Variants in EXOC6B observed in about 807,000 individuals in gnomAD.
The protein encoded by EXOC6B is exocyst complex component 6B, also known as SEC15 homolog B.
In EXOC6B, 54 loss-of-function variants were observed where a neutral mutation model predicts 113.5. The ratio of observed to expected loss-of-function variants is 0.48; its 90% confidence interval spans 0.38 to 0.60. The LOEUF (loss-of-function observed/expected upper bound fraction) is 0.60. Ranked by LOEUF, EXOC6B falls within the 20% of genes least tolerant of loss-of-function variation. EXOC6B has a pLI of 0.00. For synonymous variants in EXOC6B, 357 were observed against 339.0 expected, an observed-to-expected ratio of 1.05 and a Z score of -0.58; for missense variants, 797 against 977.5, an observed-to-expected ratio of 0.82 and a Z score of 2.46.
intron 20 of EXOC6B, among the ~76,000 whole-genome samples, chr2:72,316,168 C>T (rs190726184): frequency 3.4e-4 from 52 of 152,148 alleles, no homozygotes; most frequent in African/African-American, 1.2e-3. Flanking sequence ...AAAATGGCTG[C>T]CATAGGAATA....
intron 6 of EXOC6B, among the ~76,000 whole-genome samples, chr2:72,623,006 G>C (rs1367399233): frequency 2.0e-5 from 3 of 152,114 alleles, no homozygotes; most frequent in Non-Finnish European, 4.4e-5. Flanking sequence ...GAACTGGAAG[G>C]GGGCAAGAGA....
chr2:72,654,146 G>C (rs1166957067), intron 6 of EXOC6B, among the ~76,000 whole-genome samples: 1 of 151,718 alleles, frequency 6.6e-6, no homozygotes, highest in Non-Finnish European at 1.5e-5. Flanking sequence ...ATTTTTTTGT[G>C]TTTTTAGTAG....
intron 17 of EXOC6B, among the ~76,000 whole-genome samples, chr2:72,467,209 T>C (rs981333797): frequency 1.3e-4 from 20 of 152,232 alleles, no homozygotes; most frequent in Non-Finnish European, 1.5e-4. Context: ...GTATACATAC[T>C]ACATTTTCTT....
At chr2:72,787,498 C>T (rs1287132740) in intron 1 of EXOC6B, among the ~76,000 whole-genome samples, 1 of 152,026 alleles carries the variant, frequency 6.6e-6, no homozygotes, top group African/African-American at 2.4e-5. Context: ...CAGTGCCCGG[C>T]CTCAGGGTTT....
At chr2:72,307,017 A>T (rs1686903027) in intron 20 of EXOC6B, among the ~76,000 whole-genome samples, 1 of 152,148 alleles carries the variant, frequency 6.6e-6, no homozygotes, top group African/African-American at 2.4e-5. Flanking sequence ...AGAACCTCCT[A>T]GTGTGTTTTC....
At chr2:72,404,188 G>T (rs1693558365) in intron 18 of EXOC6B, among the ~76,000 whole-genome samples, 1 of 152,216 alleles carries the variant, frequency 6.6e-6, no homozygotes, top group Admixed American at 6.5e-5. Context: ...GCCAAGGCTT[G>T]AGTAGGTAGA....
chr2:72,765,105 T>A (rs2104917558), intron 1 of EXOC6B, among the ~76,000 whole-genome samples: 1 of 151,668 alleles, frequency 6.6e-6, no homozygotes, highest in Middle Eastern at 3.4e-3. Context: ...AAAAGGGACT[T>A]GATAAGGTCC....
chr2:72,516,165 T>C (rs1701202523), intron 8 of EXOC6B, among the ~76,000 whole-genome samples: 1 of 152,208 alleles, frequency 6.6e-6, no homozygotes, highest in Non-Finnish European at 1.5e-5. Context: ...GGGGCCTTGT[T>C]ACAGCAGCTC....
intron 1 of EXOC6B, among the ~76,000 whole-genome samples, chr2:72,823,243 A>G (rs1041895593): frequency 1.3e-5 from 2 of 151,168 alleles, no homozygotes; most frequent in Non-Finnish European, 2.9e-5. Context: ...ACTGGTAATG[A>G]GTCTCAAACT....
chr2:72,214,861 G>A (rs142547554), intron 20 of EXOC6B, among the ~76,000 whole-genome samples: 1 of 152,266 alleles, frequency 6.6e-6, no homozygotes, highest in East Asian at 1.9e-4. Context: ...TTTTGCTTTG[G>A]GGTTGTGAAC....
intron 18 of EXOC6B, among the ~76,000 whole-genome samples, chr2:72,459,743 G>A (rs1309349724): frequency 2.0e-5 from 3 of 152,106 alleles, no homozygotes; most frequent in Non-Finnish European, 2.9e-5. Flanking sequence ...ATGCTCATGG[G>A]TGGGAAGAAT....
intron 1 of EXOC6B, among the ~76,000 whole-genome samples, chr2:72,814,546 G>A (rs1336435387): frequency 6.6e-6 from 1 of 152,202 alleles, no homozygotes; most frequent in Non-Finnish European, 1.5e-5. Context: ...TAGTTGCATT[G>A]TGATGGTTCT....
At chr2:72,334,411 A>G (rs1688574219) in intron 20 of EXOC6B, among the ~76,000 whole-genome samples, 1 of 152,104 alleles carries the variant, frequency 6.6e-6, no homozygotes, top group Non-Finnish European at 1.5e-5. Context: ...AATCATCTTC[A>G]AAAACGACCA....
chr2:72,626,257 T>C (rs1222893974), intron 6 of EXOC6B, among the ~76,000 whole-genome samples: 1 of 152,206 alleles, frequency 6.6e-6, no homozygotes, highest in East Asian at 1.9e-4. Flanking sequence ...TCTAGCTGTA[T>C]TTAATCAAGA....
intron 18 of EXOC6B, among the ~76,000 whole-genome samples, chr2:72,437,733 T>C (rs1368204819): frequency 6.6e-6 from 1 of 152,204 alleles, no homozygotes; most frequent in Admixed American, 6.5e-5. Context: ...ACTCCTCTCA[T>C]ATGAACACTG....
Position 72,230,583 on chromosome 2 carries a change from G to A in EXOC6B, c.2197-46396C>T, listed in dbSNP as rs570092678. Among the ~76,000 whole-genome samples the A allele has an allele frequency of 2.0e-5, 3 of 152,172 alleles. No homozygotes were observed. The East Asian group carries it at 5.8e-4, about 29-fold the overall frequency. On this transcript the variant is annotated intron_variant, in intron 20 of 21. Transcript: ENST00000272427. ...TTCTAACATTTTAACTAACGACCTGGTCCATATATTTAAATGAGGTTTTAA... is the reference window on the plus strand; with the variant it reads ...TTCTAACATTTTAACTAACGACCTGATCCATATATTTAAATGAGGTTTTAA...
At chr2:72,667,738 G>A (rs1275611552) in intron 6 of EXOC6B, among the ~76,000 whole-genome samples, 1 of 152,088 alleles carries the variant, frequency 6.6e-6, no homozygotes, top group African/African-American at 2.4e-5. Flanking sequence ...ATGGACTAAA[G>A]AATTAAATGT....
At chr2:72,326,129 G>A (rs1292928123) in intron 20 of EXOC6B, among the ~76,000 whole-genome samples, 2 of 152,076 alleles carry the variant, frequency 1.3e-5, no homozygotes, top group Non-Finnish European at 2.9e-5. Flanking sequence ...ACACAGTGCA[G>A]TTAACGAAGA....
chr2:72,725,351 C>T (rs968150636), intron 5 of EXOC6B, among the ~76,000 whole-genome samples: 6 of 152,028 alleles, frequency 3.9e-5, no homozygotes, highest in African/African-American at 1.4e-4. Flanking sequence ...CAATGAGATA[C>T]TATTTCACAC....
Sources: gnomAD v4.1 joint callset for allele counts (sites outside exome capture counted in the v4.1 genomes callset) on GRCh38, gnomAD v4.1.1 for gene constraint, MANE v1.5 for transcripts, NCBI Gene and HGNC (gene_info 2026-07-23, HGNC 2026-07-21) for gene names.